The following PRKCB variants were observed in gnomAD, a reference collection of about 807,000 sequenced individuals.
PRKCB encodes protein kinase C beta.
A neutral mutation model predicts 81.5 loss-of-function variants in PRKCB; 13 were observed. That is an observed-to-expected ratio of 0.16 (90% confidence interval 0.10 to 0.25). PRKCB has a LOEUF of 0.25. Among genes scored for constraint, PRKCB ranks in the 10% least tolerant of loss-of-function variants. PRKCB has a pLI of 1.00. For missense variants in PRKCB, 509 were observed against 875.7 expected, an observed-to-expected ratio of 0.58 and a Z score of 5.29; for synonymous variants, 335 against 321.4, an observed-to-expected ratio of 1.04 and a Z score of -0.45.
chr16:24,175,299 G>T (rs1035013154), intron 12 of PRKCB, among the ~76,000 whole-genome samples: 1 of 151,906 alleles, frequency 6.6e-6, no homozygotes, highest in Admixed American at 6.6e-5. Context: ...ATGGGTGGGG[G>T]TCTATTTCAA....
chr16:24,157,909 G>A (rs1474428151), intron 10 of PRKCB, among the ~76,000 whole-genome samples: 1 of 147,770 alleles, frequency 6.8e-6, no homozygotes, highest in Non-Finnish European at 1.5e-5. Context: ...ATAAATTACC[G>A]AGTCTCAGGT....
At chr16:23,863,215 C>CATACATATATATGTGTATATATAT (rs1567293424) in intron 2 of PRKCB, among the ~76,000 whole-genome samples, 2 of 58,070 alleles carry the variant, frequency 3.4e-5, no homozygotes, top group Non-Finnish European at 8.4e-5. Flanking sequence ...TGTATATATA[C>CATACATATATATGTGTATATATAT]ATACATATAT....
At chr16:24,065,316 A>G (rs1336671054) in intron 5 of PRKCB, among the ~76,000 whole-genome samples, 3 of 151,602 alleles carry the variant, frequency 2.0e-5, no homozygotes, top group African/African-American at 7.3e-5. Flanking sequence ...TCACTTAAGT[A>G]TATTTTATTA....
At chr16:24,013,506 G>T (rs1965233009) in intron 3 of PRKCB, among the ~76,000 whole-genome samples, 1 of 152,130 alleles carries the variant, frequency 6.6e-6, no homozygotes, top group Non-Finnish European at 1.5e-5. Flanking sequence ...GTTTTACATG[G>T]TCGTTGAGGA....
At chr16:24,211,466 A>C (rs879005963) in intron 16 of PRKCB, among the ~76,000 whole-genome samples, 1 of 152,194 alleles carries the variant, frequency 6.6e-6, no homozygotes, top group Non-Finnish European at 1.5e-5. Context: ...CATTTTACAA[A>C]AGAGGAAACT....
In PRKCB at chr16:24,189,851, T is replaced by C. The variant is rs1463427576; in HGVS notation, c.1723-1239T>C. Among the ~76,000 whole-genome samples, 3 of 152,332 alleles carry C rather than the reference T, an allele frequency of 2.0e-5. No homozygotes were observed. The East Asian group carries it at 5.8e-4, about 29-fold the overall frequency. ...TTCCTTCCCCATCATCAGCAAGTCC[T>C]GGGCAGAAGATTCTGCCATCATGGG... On this transcript the variant is annotated intron_variant, in intron 15 of 16. Transcript: ENST00000643927.
chr16:23,933,928 CA>C (rs1964019682), intron 2 of PRKCB, among the ~76,000 whole-genome samples: 1 of 962 alleles, frequency 1.0e-3, no homozygotes, highest in African/African-American at 5.0e-3. Flanking sequence ...TCCTTCCATT[CA>C]TCCATCCATC....
rs55986931 is a variant in PRKCB at position 23,950,132 on chromosome 16, A to AGTTTTTTTT, written c.206-38376_206-38375insGTTTTTTTT. Among the ~76,000 whole-genome samples the AGTTTTTTTT allele has an allele frequency of 4.1e-4, 40 of 97,774 alleles. 8 individuals carry two copies. The highest frequency in any genetic ancestry group is 5.4e-4 in the African/African-American group (13 of 24,120). The allele number at this position is 97,774 out of a possible 152,430, so 64.1% of individuals were successfully genotyped here. The stretch of plus-strand genomic sequence containing the variant: ...AGCAGCATTGGCCCCTATGATTTGA[A>AGTTTTTTTT]TTTTTTTTTTTTTTTTTTTTTTTTT... On this transcript the variant is annotated intron_variant, in intron 2 of 16. Transcript: ENST00000643927.
At chr16:23,982,359 C>CCCCTTCCCTTT (rs1964749948) in intron 2 of PRKCB, among the ~76,000 whole-genome samples, 1 of 132,084 alleles carries the variant, frequency 7.6e-6, no homozygotes, top group Admixed American at 7.6e-5. Context: ...CCTTTCCCTT[C>CCCCTTCCCTTT]CCCTTCCCTT....
intron 5 of PRKCB, among the ~76,000 whole-genome samples, chr16:24,041,659 A>G (rs1965699578): frequency 6.6e-6 from 1 of 152,122 alleles, no homozygotes; most frequent in African/African-American, 2.4e-5. Flanking sequence ...TGATATTTAA[A>G]TCCTTCTTAA....
chr16:24,212,476 T>TTTTTTTTTTTTC (rs1968157739), intron 16 of PRKCB, among the ~76,000 whole-genome samples: 1 of 142,860 alleles, frequency 7.0e-6, no homozygotes, highest in East Asian at 2.0e-4. Flanking sequence ...TTTTTTTTTT[T>TTTTTTTTTTTTC]TTTTTTTTTT....
chr16:24,026,977 A>G (rs1299365511), intron 3 of PRKCB, among the ~76,000 whole-genome samples: 4 of 152,200 alleles, frequency 2.6e-5, no homozygotes, highest in African/African-American at 9.7e-5. Flanking sequence ...CTACAGGCCA[A>G]TACCAGTCAT....
In PRKCB at chr16:24,220,136, A is replaced by G; in HGVS notation, c.*5320A>G. On this transcript the variant is annotated 3_prime_UTR_variant, in exon 17 of 17. Transcript: ENST00000643927. ...TAGGTGAATGCAAACTCCATCGTTG[A>G]GCCTGGGGTGTAAGACTTCAAGCCA... 1 of 1,613,634 alleles carries G rather than the reference A, an allele frequency of 6.2e-7. No homozygotes were observed. The highest frequency in any genetic ancestry group is 8.5e-7 in the Non-Finnish European group (1 of 1,179,688).
chr16:23,869,687 G>A (rs1468431280), intron 2 of PRKCB, among the ~76,000 whole-genome samples: 2 of 152,058 alleles, frequency 1.3e-5, no homozygotes, highest in African/African-American at 4.8e-5. Flanking sequence ...TTATTTTGAA[G>A]GAAATTTTAT....
At chr16:24,153,714 A>T (rs1011105315) in intron 9 of PRKCB, among the ~76,000 whole-genome samples, 1 of 152,200 alleles carries the variant, frequency 6.6e-6, no homozygotes. Context: ...ACACTGGTTA[A>T]CTGGCCCTGA....
chr16:24,111,631 G>GA (rs925901828), intron 7 of PRKCB, among the ~76,000 whole-genome samples: 5 of 100,922 alleles, frequency 5.0e-5, no homozygotes, highest in Non-Finnish European at 7.2e-5. Flanking sequence ...TGCCAGAAAA[G>GA]AAAAAAAAGA....
intron 7 of PRKCB, among the ~76,000 whole-genome samples, chr16:24,111,540 T>A (rs1188400044): frequency 6.6e-6 from 1 of 151,868 alleles, no homozygotes; most frequent in Non-Finnish European, 1.5e-5. Flanking sequence ...TAATCTCAGC[T>A]ACTTGGGATG....
chr16:23,994,071 C>A, intron 3 of PRKCB, among the ~76,000 whole-genome samples: 1 of 152,180 alleles, frequency 6.6e-6, no homozygotes, highest in East Asian at 1.9e-4. Flanking sequence ...TCCTGTTAAT[C>A]TTTCTCCCAG....
intron 3 of PRKCB, among the ~76,000 whole-genome samples, chr16:24,007,507 C>T (rs1200912235): frequency 6.6e-6 from 1 of 152,192 alleles, no homozygotes; most frequent in East Asian, 1.9e-4. Flanking sequence ...GGGCTGACTG[C>T]TTCTGCAATG....
Sources: allele counts gnomAD v4.1 joint callset (sites outside exome capture counted in the v4.1 genomes callset), GRCh38; gene constraint gnomAD v4.1.1; transcripts MANE v1.5; gene names NCBI Gene and HGNC (gene_info 2026-07-23, HGNC 2026-07-21).